IGF1R: variants seen among roughly 807,000 people sequenced by gnomAD.
IGF1R encodes insulin like growth factor 1 receptor.
A neutral mutation model predicts 144.6 loss-of-function variants in IGF1R; 44 were observed. The observed-to-expected ratio is 0.30, with a 90% confidence interval of 0.24 to 0.39. The LOEUF is 0.39. Ranked by LOEUF, IGF1R falls within the 10% of genes least tolerant of loss-of-function variation. IGF1R has a pLI of 1.00. For synonymous variants in IGF1R, 795 were observed against 722.8 expected, an observed-to-expected ratio of 1.10 and a Z score of -1.60; for missense variants, 1,355 against 1,833.7, an observed-to-expected ratio of 0.74 and a Z score of 4.77.
rs183595540 is a variant in IGF1R at position 98,888,021 on chromosome 15, C to G, written c.641-3304C>G. Among the ~76,000 whole-genome samples the G allele has an allele frequency of 3.1e-4, 47 of 152,360 alleles. No homozygotes were observed. In the South Asian group the frequency reaches 5.6e-3, roughly 18 times the overall value. On this transcript the variant is annotated intron_variant, in intron 2 of 20. Transcript: ENST00000650285. ...TTCAGTAACACCCAAGCCCTTGCACCCACAGTGACCTCGTTGCTTTTACAA... is the reference window on the plus strand; with the variant it reads ...TTCAGTAACACCCAAGCCCTTGCACGCACAGTGACCTCGTTGCTTTTACAA...
chr15:98,880,373 GTT>G (rs1161852477), intron 2 of IGF1R, among the ~76,000 whole-genome samples: 4 of 152,108 alleles, frequency 2.6e-5, no homozygotes, highest in African/African-American at 9.7e-5. Flanking sequence ...TTTTTGTGGT[GTT>G]TGCTTGTTTT....
chr15:98,661,726 T>C (rs747526070), intron 1 of IGF1R, among the ~76,000 whole-genome samples: 1 of 152,216 alleles, frequency 6.6e-6, no homozygotes, highest in African/African-American at 2.4e-5. Flanking sequence ...CCTCAGTGTC[T>C]CTGCCTGTGA....
At chr15:98,696,023 CTTCT>C (rs1352323306) in intron 1 of IGF1R, among the ~76,000 whole-genome samples, 6 of 107,976 alleles carry the variant, frequency 5.6e-5, no homozygotes, top group South Asian at 3.4e-4. Flanking sequence ...CTGACTTTTT[CTTCT>C]TTTTTTTTTT....
intron 1 of IGF1R, among the ~76,000 whole-genome samples, chr15:98,657,465 A>C (rs956230796): frequency 1.3e-5 from 2 of 152,136 alleles, no homozygotes; most frequent in African/African-American, 4.8e-5. Flanking sequence ...CTCTTTACCT[A>C]ATTTCCCTGA....
chr15:98,655,150 G>A (rs1462124251), intron 1 of IGF1R, among the ~76,000 whole-genome samples: 2 of 152,064 alleles, frequency 1.3e-5, no homozygotes, highest in East Asian at 3.9e-4. Context: ...TCTGAGGAAG[G>A]AACATATATT....
Position 98,698,477 on chromosome 15 carries a change from G to T in IGF1R, c.95-9085G>T, listed in dbSNP as rs140130236. Among the ~76,000 whole-genome samples the T allele has an allele frequency of 3.7e-4, 56 of 152,300 alleles. 2 individuals carry two copies. The East Asian group carries it at 0.011, about 29-fold the overall frequency. ...TCCCATTCTCTCCTACCACAGCCAC[G>T]GGCAGCCACTTTCTGCTGTCTCCGT... is the stretch of plus-strand genomic sequence containing the variant. On this transcript the variant is annotated intron_variant, in intron 1 of 20. Coordinates refer to ENST00000650285, the MANE Select transcript of IGF1R (RefSeq NM_000875.5).
chr15:98,719,502 A>G (rs1338689378), intron 2 of IGF1R, among the ~76,000 whole-genome samples: 1 of 152,194 alleles, frequency 6.6e-6, no homozygotes, highest in Non-Finnish European at 1.5e-5. Context: ...ACTGGGTGCC[A>G]AAGGTGGGTG....
intron 1 of IGF1R, among the ~76,000 whole-genome samples, chr15:98,702,949 AAAAT>A (rs1221308184): frequency 6.6e-6 from 1 of 152,048 alleles, no homozygotes; most frequent in Non-Finnish European, 1.5e-5. Flanking sequence ...AAAACAATAA[AAAAT>A]AAATAAAATG....
intron 20 of IGF1R, among the ~76,000 whole-genome samples, chr15:98,955,388 C>T (rs1210618579): frequency 1.3e-5 from 2 of 152,190 alleles, no homozygotes; most frequent in East Asian, 1.9e-4. Context: ...TAAAGGGCGA[C>T]GTGGTAAATA....
intron 2 of IGF1R, among the ~76,000 whole-genome samples, chr15:98,719,844 C>A (rs973653962): frequency 1.3e-5 from 2 of 152,088 alleles, no homozygotes; most frequent in African/African-American, 4.8e-5. Flanking sequence ...TGGGTAACCC[C>A]AACTCTATCT....
rs1345546886 is a variant in IGF1R, at chr15:98,708,095, C to G, written c.628C>G (p.Arg210Gly). The change falls in exon 2 of 21, where the codon CGC becomes GGC. Residue 210 changes from arginine (R) to glycine (G), a missense_variant. Physicochemically the swap from Arg to Gly is moderately radical, Grantham distance 125. Coordinates refer to ENST00000650285, the MANE Select transcript of IGF1R (RefSeq NM_000875.5). ...CAACTACCGCTGCTGGACCACAAACCGCTGCCAGAAAAGTAAGAATGATGC... is the reference window on the plus strand; with the variant it reads ...CAACTACCGCTGCTGGACCACAAACGGCTGCCAGAAAAGTAAGAATGATGC... Reference protein sequence around the residue: ...EYNYRCWTTNRCQKMCPSTCG... With the variant: ...EYNYRCWTTNGCQKMCPSTCG... 1 of 1,613,162 alleles carries G rather than the reference C, an allele frequency of 6.2e-7. No homozygotes were observed. The highest frequency in any genetic ancestry group is 8.5e-7 in the Non-Finnish European group (1 of 1,179,724).
chr15:98,837,694 A>G (rs1007625970), intron 2 of IGF1R, among the ~76,000 whole-genome samples: 6 of 151,542 alleles, frequency 4.0e-5, no homozygotes, highest in Non-Finnish European at 8.9e-5. Context: ...CTTATCTACA[A>G]TAATTATTAC....
rs752827864 is a variant in IGF1R at position 98,649,531 on chromosome 15, T to TC, written c.-51_-50insC. The stretch of plus-strand genomic sequence containing the variant: ...CCTTTTTTTCTTTTCTTTTCTTTTT[T>TC]TTTTTTTTTTTTTTTTTTGAGAAAG... On this transcript the variant is annotated 5_prime_UTR_variant, in exon 1 of 21. Coordinates refer to ENST00000650285, the MANE Select transcript of IGF1R (RefSeq NM_000875.5). 4 of 154,380 alleles carry TC rather than the reference T, an allele frequency of 2.6e-5. No homozygotes were observed. The highest frequency in any genetic ancestry group is 8.1e-5 in the South Asian group (1 of 12,402). The allele number at this position is 154,380 out of a possible 1,614,324, so 9.6% of individuals were successfully genotyped here. A position where few individuals can be genotyped will look rare whatever the true frequency, so the allele number is the denominator to read the frequency against.
intron 2 of IGF1R, among the ~76,000 whole-genome samples, chr15:98,868,559 G>A (rs555751476): frequency 2.0e-5 from 3 of 152,186 alleles, no homozygotes; most frequent in Admixed American, 6.5e-5. Flanking sequence ...AAACTCTGTG[G>A]CGCATACAGG....
At chr15:98,749,348 C>G (rs560308397) in intron 2 of IGF1R, among the ~76,000 whole-genome samples, 109 of 152,114 alleles carry the variant, frequency 7.2e-4, no homozygotes, top group African/African-American at 2.6e-3. Context: ...TCTCTTTGGT[C>G]TTGGTGACCC....
At chr15:98,756,388 G>A (rs1033366087) in intron 2 of IGF1R, among the ~76,000 whole-genome samples, 1 of 151,550 alleles carries the variant, frequency 6.6e-6, no homozygotes, top group Non-Finnish European at 1.5e-5. Context: ...CAGCTTTTAA[G>A]CCTTTTCTCT....
chr15:98,809,414 G>A (rs1040525702), intron 2 of IGF1R, among the ~76,000 whole-genome samples: 1 of 152,160 alleles, frequency 6.6e-6, no homozygotes, highest in Non-Finnish European at 1.5e-5. Context: ...GAGTCAGTGT[G>A]AGTTCTGCAG....
At chr15:98,724,348 C>T (rs1379156301) in intron 2 of IGF1R, among the ~76,000 whole-genome samples, 1 of 152,090 alleles carries the variant, frequency 6.6e-6, no homozygotes, top group East Asian at 1.9e-4. Flanking sequence ...GGTTGTCTCT[C>T]TGGGTGGGTA....
intron 2 of IGF1R, among the ~76,000 whole-genome samples, chr15:98,842,240 A>G (rs1215106447): frequency 1.3e-5 from 2 of 152,278 alleles, no homozygotes; most frequent in African/African-American, 4.8e-5. Context: ...GTATACGTTC[A>G]TTTTTTGTTT....
Sources: allele counts gnomAD v4.1 joint callset (sites outside exome capture counted in the v4.1 genomes callset), GRCh38; gene constraint gnomAD v4.1.1; transcripts MANE v1.5; gene names NCBI Gene and HGNC (gene_info 2026-07-23, HGNC 2026-07-21).